ING2: variants seen among roughly 807,000 people sequenced by gnomAD.
ING2 encodes inhibitor of growth protein 2.
Under a neutral mutation model 30.6 loss-of-function variants are expected in ING2, and 7 were observed. The ratio of observed to expected loss-of-function variants is 0.23; its 90% confidence interval spans 0.13 to 0.43. ING2 has a LOEUF of 0.43. Ranked by LOEUF, ING2 falls within the 20% of genes least tolerant of loss-of-function variation. The probability of loss-of-function intolerance (pLI) is 1.00; values close to 1 mark genes in which losing one functional copy is unlikely to be tolerated. For missense variants in ING2, 239 were observed against 334.9 expected, an observed-to-expected ratio of 0.71 and a Z score of 2.24; for synonymous variants, 136 against 121.7, an observed-to-expected ratio of 1.12 and a Z score of -0.78.
intron 1 of ING2, 103 bp from the exon 2 acceptor site, chr4:183,510,179 A>G (rs1440145892): frequency 3.8e-6 from 3 of 796,978 alleles, no homozygotes; most frequent in East Asian, 5.0e-5. Context: ...GTATGGTTTC[A>G]TGGTTTGAGT....
At chr4:183,508,131 A>C (rs1734721693) in intron 1 of ING2, among the ~76,000 whole-genome samples, 3 of 152,122 alleles carry the variant, frequency 2.0e-5, no homozygotes, top group East Asian at 1.9e-4. Flanking sequence ...CACAAGCAGA[A>C]GTGATGGCTT....
In ING2 at chr4:183,511,671, A is replaced by T. The variant is rs1182937921; in HGVS notation, c.*719A>T. 6.6e-6 allele frequency among the ~76,000 whole-genome samples: 1 copy of T among 152,232 alleles called. No homozygotes were observed. Among genetic ancestry groups the T allele is most frequent in the Non-Finnish European group, 1.5e-5 (1 of 68,038 alleles). On this transcript the variant is annotated 3_prime_UTR_variant, in exon 2 of 2. Transcript: ENST00000302327. ...ATTGGGACAGGTAAGAGTAGTTAGCATACCAAAAATATACATTGGCTTACA... is the reference window on the plus strand; with the variant it reads ...ATTGGGACAGGTAAGAGTAGTTAGCTTACCAAAAATATACATTGGCTTACA...
At chr4:183,508,366 C>G (rs1445874491) in intron 1 of ING2, among the ~76,000 whole-genome samples, 1 of 150,814 alleles carries the variant, frequency 6.6e-6, no homozygotes, top group Non-Finnish European at 1.5e-5. Flanking sequence ...TTTTTTTAAT[C>G]CTCAATTTTT....
chr4:183,506,065 C>G, intron 1 of ING2: 3 of 1,128,192 alleles, frequency 2.7e-6, no homozygotes, highest in South Asian at 1.8e-5. Flanking sequence ...GCGGGGCCTG[C>G]GGGCTTGACG....
At chr4:183,509,000 C>T (rs1470542694) in intron 1 of ING2, among the ~76,000 whole-genome samples, 2 of 152,140 alleles carry the variant, frequency 1.3e-5, no homozygotes, top group South Asian at 2.1e-4. Flanking sequence ...GCAGAATGAT[C>T]GAGTGCTGAC....
rs1250091041 is a variant in ING2, at chr4:183,510,535, C to T, written c.426C>T (p.Ser142=). The change falls in exon 2 of 2, where the codon TCC becomes TCT. Residue 142 remains serine (S), a synonymous_variant. Transcript: ENST00000302327. The part of the protein sequence containing the change: ...ERASDKAKMD[S]SQPERSSRRP... ...CCTCAGATAAAGCAAAGATGGATTCCAGCCAACCAGAAAGATCTTCAAGAA... is the reference window on the plus strand; with the variant it reads ...CCTCAGATAAAGCAAAGATGGATTCTAGCCAACCAGAAAGATCTTCAAGAA... The T allele has an allele frequency of 6.2e-7, 1 of 1,613,892 alleles. No individual in the cohort carries two copies. Among genetic ancestry groups the T allele is most frequent in the Non-Finnish European group, 8.5e-7 (1 of 1,180,048 alleles).
Position 183,505,203 on chromosome 4 carries a change from GGCAGCA to G in ING2, c.18_23del (p.Gln7_Gln8del). ...ACGGCGCGGATCGGCAGGATGTTAGGGCAGCAGCAGCAGCAACTGTACTCGTCGGCC... is the reference window on the plus strand; with the variant it reads ...ACGGCGCGGATCGGCAGGATGTTAGGGCAGCAGCAACTGTACTCGTCGGCC... On this transcript the variant is annotated inframe_deletion, in exon 1 of 2. Coordinates refer to ENST00000302327, the MANE Select transcript of ING2 (RefSeq NM_001564.4). 1 of 1,594,932 alleles carries G rather than the reference GGCAGCA, an allele frequency of 6.3e-7. No homozygotes were observed. The highest frequency in any genetic ancestry group is 8.5e-7 in the Non-Finnish European group (1 of 1,171,096).
intron 1 of ING2, among the ~76,000 whole-genome samples, chr4:183,509,932 C>T (rs1362528089): frequency 6.7e-6 from 1 of 150,216 alleles, no homozygotes; most frequent in Non-Finnish European, 1.5e-5. Flanking sequence ...GACAGGGTTT[C>T]ACTATCTTGG....
intron 1 of ING2, chr4:183,506,192 G>C (rs922228152): frequency 6.2e-6 from 8 of 1,298,922 alleles, no homozygotes; most frequent in Admixed American, 2.3e-5. Context: ...GGGGGCGTTG[G>C]TTCGGCCCCA....
At chr4:183,507,309 C>T (rs1227449670) in intron 1 of ING2, among the ~76,000 whole-genome samples, 1 of 152,212 alleles carries the variant, frequency 6.6e-6, no homozygotes, top group Non-Finnish European at 1.5e-5. Context: ...CCATGTTGGC[C>T]AGGATGGTCT....
chr4:183,507,260 C>T (rs903657922), intron 1 of ING2, among the ~76,000 whole-genome samples: 1 of 152,152 alleles, frequency 6.6e-6, no homozygotes, highest in Admixed American at 6.5e-5. Flanking sequence ...GCCATCACGC[C>T]GGGCTAAGTT....
chr4:183,506,357 G>A (rs1734648478), intron 1 of ING2: 2 of 1,276,038 alleles, frequency 1.6e-6, no homozygotes, highest in South Asian at 2.5e-5. Flanking sequence ...GGCTTCAGGA[G>A]GAAGTGGGTT....
At chr4:183,509,476 T>C (rs535182969) in intron 1 of ING2, among the ~76,000 whole-genome samples, 2 of 151,836 alleles carry the variant, frequency 1.3e-5, no homozygotes, top group East Asian at 1.9e-4. Flanking sequence ...GACGGAGTCT[T>C]GCTCTGTCTC....
At position 183,510,271 on chromosome 4, in the gene ING2, C is replaced by T. The variant is rs112264589; in HGVS notation, c.173-11C>T. The stretch of plus-strand genomic sequence containing the variant: ...ATGATAACGTTCTCATTTTTCTTTT[C>T]CTTTTTTTAGAAACGTTAAAGGAAA... On this transcript the variant is annotated splice_polypyrimidine_tract_variant and intron_variant, in intron 1 of 1. Coordinates refer to ENST00000302327, the MANE Select transcript of ING2 (RefSeq NM_001564.4). The T allele has an allele frequency of 5.9e-4, 912 of 1,535,948 alleles. 12 individuals are homozygous for T. The East Asian group carries it at 0.017, about 28-fold the overall frequency.
Position 183,511,066 on chromosome 4 carries a change from T to C in ING2, c.*114T>C. The C allele has an allele frequency of 1.2e-6, 1 of 822,670 alleles. No homozygotes were observed. The highest frequency in any genetic ancestry group is 1.8e-6 in the Non-Finnish European group (1 of 542,136). 51.0% of individuals were successfully genotyped at this position (822,670 alleles called of 1,614,324 possible). Reference sequence around the variant, plus strand: ...ATGCAATAATTTTTAATCATTAGTATTAATGGTGTATTAAAAGTTGTTGTA... The same window carrying C: ...ATGCAATAATTTTTAATCATTAGTACTAATGGTGTATTAAAAGTTGTTGTA... On this transcript the variant is annotated 3_prime_UTR_variant, in exon 2 of 2. Coordinates refer to ENST00000302327, the MANE Select transcript of ING2 (RefSeq NM_001564.4).
chr4:183,506,178 G>A (rs1734641603), intron 1 of ING2: 1 of 1,295,788 alleles, frequency 7.7e-7, no homozygotes, highest in East Asian at 5.6e-5. Flanking sequence ...AGTCGGGGCT[G>A]TGCGGGGGCG....
At chr4:183,509,236 G>A (rs1310223318) in intron 1 of ING2, among the ~76,000 whole-genome samples, 4 of 152,202 alleles carry the variant, frequency 2.6e-5, no homozygotes, top group African/African-American at 7.2e-5. Flanking sequence ...ACAAGTCATT[G>A]ATTGGACTGT....
chr4:183,507,462 T>C (rs576890769), intron 1 of ING2, among the ~76,000 whole-genome samples: 2 of 152,344 alleles, frequency 1.3e-5, no homozygotes, highest in East Asian at 3.9e-4. Context: ...GTTAAGCTAT[T>C]TGAAGTTGGT....
intron 1 of ING2, among the ~76,000 whole-genome samples, chr4:183,506,587 T>C (rs1734655129): frequency 6.6e-6 from 1 of 152,198 alleles, no homozygotes; most frequent in African/African-American, 2.4e-5. Context: ...ACCTTGAACA[T>C]AGTATGGAAA....
Sources: allele counts gnomAD v4.1 joint callset (sites outside exome capture counted in the v4.1 genomes callset), GRCh38; gene constraint gnomAD v4.1.1; transcripts MANE v1.5; gene names NCBI Gene and HGNC (gene_info 2026-07-23, HGNC 2026-07-21).